The following GALNT13 variants were observed in gnomAD, a reference collection of about 807,000 sequenced individuals.
GALNT13 encodes the protein UDP-GalNAc:polypeptide N-acetylgalactosaminyltransferase 13.
Under a neutral mutation model 64.2 loss-of-function variants are expected in GALNT13, and 28 were observed. The ratio of observed to expected loss-of-function variants is 0.44; its 90% CI spans 0.32 to 0.60. The LOEUF (loss-of-function observed/expected upper bound fraction) is 0.60. Ranked by LOEUF, GALNT13 falls within the 20% of genes least tolerant of loss-of-function variation. The pLI is 0.05. For synonymous variants in GALNT13, 214 were observed against 224.6 expected, an observed-to-expected ratio of 0.95 and a Z score of 0.42; for missense variants, 577 against 669.8, an observed-to-expected ratio of 0.86 and a Z score of 1.53.
intron 9 of GALNT13, among the ~76,000 whole-genome samples, chr2:154,389,840 G>A (rs1698701466): frequency 1.3e-5 from 2 of 151,828 alleles, no homozygotes; most frequent in African/African-American, 4.8e-5. Flanking sequence ...AGGGAAAACA[G>A]GAATTAGTGA....
At chr2:154,025,637 A>G (rs548539769) in intron 3 of GALNT13, among the ~76,000 whole-genome samples, 3 of 152,278 alleles carry the variant, frequency 2.0e-5, no homozygotes, top group African/African-American at 7.2e-5. Flanking sequence ...TTGTAGCTTC[A>G]TTAGTGCTAT....
the GALNT13 span, among the ~76,000 whole-genome samples, chr2:153,632,583 T>C: frequency 7.9e-5 from 12 of 152,172 alleles, no homozygotes; most frequent in Admixed American, 3.3e-4. Flanking sequence ...TCTGTAGTTT[T>C]ACTATCTCAA....
At chr2:154,184,706 G>A (rs1686157414) in intron 4 of GALNT13, among the ~76,000 whole-genome samples, 1 of 152,072 alleles carries the variant, frequency 6.6e-6, no homozygotes, top group Non-Finnish European at 1.5e-5. Context: ...GAGTAGAAGT[G>A]CCAGGCCCTT....
intron 2 of GALNT13, among the ~76,000 whole-genome samples, chr2:153,908,589 A>G (rs992396053): frequency 3.0e-4 from 46 of 152,234 alleles, no homozygotes; most frequent in African/African-American, 1.1e-3. Context: ...GAAGGAGTCC[A>G]GTTTCAATCT....
At chr2:153,253,872 GTATTT>G in the GALNT13 span, among the ~76,000 whole-genome samples, 1 of 152,160 alleles carries the variant, frequency 6.6e-6, no homozygotes, top group Non-Finnish European at 1.5e-5. Flanking sequence ...CGGTTTGCCA[GTATTT>G]TATTGAGGAT....
intron 3 of GALNT13, among the ~76,000 whole-genome samples, chr2:154,089,840 A>T (rs1701718247): frequency 7.0e-6 from 1 of 143,504 alleles, no homozygotes. Context: ...TATAACCTTC[A>T]CCACTTATGG....
chr2:154,374,567 A>G (rs895873779), intron 9 of GALNT13, among the ~76,000 whole-genome samples: 1 of 152,198 alleles, frequency 6.6e-6, no homozygotes, highest in African/African-American at 2.4e-5. Flanking sequence ...TTATGATGCA[A>G]TTCAGTGGCA....
At chr2:153,099,825 A>G in the GALNT13 span, among the ~76,000 whole-genome samples, 1 of 152,196 alleles carries the variant, frequency 6.6e-6, no homozygotes, top group Non-Finnish European at 1.5e-5. Flanking sequence ...ATATCTTCTC[A>G]CACAGTATGC....
chr2:154,310,154 C>T (rs1693955252), intron 9 of GALNT13, among the ~76,000 whole-genome samples: 1 of 152,126 alleles, frequency 6.6e-6, no homozygotes, highest in South Asian at 2.1e-4. Flanking sequence ...GATGTAATTC[C>T]CCCCAGGGAC....
At chr2:154,401,185 T>C (rs1181744113) in intron 10 of GALNT13, among the ~76,000 whole-genome samples, 1 of 152,144 alleles carries the variant, frequency 6.6e-6, no homozygotes, top group Non-Finnish European at 1.5e-5. Flanking sequence ...GCCTTAAATA[T>C]TGCTGAAGAG....
At chr2:153,997,967 A>G (rs1695632610) in intron 3 of GALNT13, among the ~76,000 whole-genome samples, 2 of 152,308 alleles carry the variant, frequency 1.3e-5, no homozygotes, top group East Asian at 1.9e-4. Flanking sequence ...TGCAAAGGGC[A>G]TGAACTCATC....
At chr2:154,050,815 C>T (rs1470880325) in intron 3 of GALNT13, among the ~76,000 whole-genome samples, 1 of 152,126 alleles carries the variant, frequency 6.6e-6, no homozygotes, top group African/African-American at 2.4e-5. Context: ...AATCAATCAA[C>T]CTTCACTTCA....
chr2:153,144,458 C>T, the GALNT13 span, among the ~76,000 whole-genome samples: 24 of 151,922 alleles, frequency 1.6e-4, no homozygotes, highest in Admixed American at 3.3e-4. Flanking sequence ...AATAATGTGT[C>T]CTAATTTGTC....
At chr2:153,979,062 A>T (rs1366447650) in intron 3 of GALNT13, among the ~76,000 whole-genome samples, 1 of 152,188 alleles carries the variant, frequency 6.6e-6, no homozygotes, top group Non-Finnish European at 1.5e-5. Context: ...ATAGTTCTTA[A>T]TATATAAGAA....
At chr2:153,304,085 T>C in the GALNT13 span, among the ~76,000 whole-genome samples, 1 of 151,266 alleles carries the variant, frequency 6.6e-6, no homozygotes, top group Non-Finnish European at 1.5e-5. Flanking sequence ...ACTGTCTATA[T>C]GGTTGGTAAG....
intron 3 of GALNT13, among the ~76,000 whole-genome samples, chr2:154,018,636 C>A (rs1261000352): frequency 6.8e-6 from 1 of 147,306 alleles, no homozygotes; most frequent in African/African-American, 2.5e-5. Flanking sequence ...GGGTGAGGGG[C>A]TGAGGGAGAT....
chr2:154,153,524 G>T (rs1406061860), intron 4 of GALNT13, among the ~76,000 whole-genome samples: 1 of 152,222 alleles, frequency 6.6e-6, no homozygotes, highest in Non-Finnish European at 1.5e-5. Flanking sequence ...TCTGTGCCCA[G>T]CCCCCAGAGG....
chr2:154,299,657 G>T (rs551095183), intron 8 of GALNT13, among the ~76,000 whole-genome samples: 90 of 150,356 alleles, frequency 6.0e-4, no homozygotes, highest in Non-Finnish European at 1.0e-3. Context: ...TAGAGACAGG[G>T]TTTCACTGTG....
chr2:153,922,609 A>T (rs539162456), intron 2 of GALNT13, among the ~76,000 whole-genome samples: 3 of 152,266 alleles, frequency 2.0e-5, no homozygotes, highest in Non-Finnish European at 4.4e-5. Context: ...GACTAATTTT[A>T]AGAAAGGAAA....
Sources: gnomAD v4.1 joint callset for allele counts (sites outside exome capture counted in the v4.1 genomes callset) on GRCh38, gnomAD v4.1.1 for gene constraint, MANE v1.5 for transcripts, NCBI Gene and HGNC (gene_info 2026-07-23, HGNC 2026-07-21) for gene names.